The following CADM2 variants were observed in gnomAD, a reference collection of about 807,000 sequenced individuals.
CADM2 encodes immunoglobulin superfamily member 4D.
Under a neutral mutation model 49.8 loss-of-function variants are expected in CADM2, and 12 were observed. That is an observed-to-expected ratio of 0.24 (90% CI 0.15 to 0.39). The LOEUF is 0.39. CADM2 is among the 10% of genes least tolerant of loss of function. CADM2 has a pLI of 1.00. For synonymous variants in CADM2, 214 were observed against 175.4 expected (o/e 1.22, Z -1.74); for missense variants, 378 against 492.3 (o/e 0.77, Z 2.20).
Position 85,398,455 on chromosome 3 carries a change from G to A in CADM2, c.62-328067G>A, listed in dbSNP as rs1279616919. Among the ~76,000 whole-genome samples the A allele has an allele frequency of 4.6e-5, 7 of 152,056 alleles. No homozygotes were observed. The South Asian group carries it at 6.2e-4, about 14-fold the overall frequency. ...AGTCTTTGTTATTGTGAATAGTGCC[G>A]CAATAAACATACATGTGCATGTGTC... On this transcript the variant is annotated intron_variant, in intron 1 of 9. Coordinates refer to ENST00000383699, the MANE Select transcript of CADM2 (RefSeq NM_001167675.2).
intron 1 of CADM2, among the ~76,000 whole-genome samples, chr3:85,483,030 C>G (rs1372142244): frequency 2.6e-5 from 4 of 151,306 alleles, no homozygotes; most frequent in African/African-American, 9.7e-5. Context: ...TAAAAAACAC[C>G]CATAAAATTG....
intron 1 of CADM2, among the ~76,000 whole-genome samples, chr3:85,709,461 G>T (rs1252478149): frequency 2.6e-5 from 4 of 152,000 alleles, no homozygotes; most frequent in South Asian, 4.1e-4. Flanking sequence ...TCTCTAAGAG[G>T]CAGTGCTTTG....
chr3:85,013,142 TAAA>T lies in CADM2; in HGVS notation c.61+53488_61+53490del, dbSNP rs56736286. Among the ~76,000 whole-genome samples the T allele has an allele frequency of 9.0e-3, 1,294 of 143,978 alleles. 6 individuals are homozygous for T. Among genetic ancestry groups the T allele is most frequent in the Non-Finnish European group, 0.012 (806 of 65,604 alleles). 94.5% of individuals were successfully genotyped at this position (143,978 alleles called of 152,430 possible). ...AGATTCTGTAATTTGCACTGGAAAT[TAAA>T]AAAAAAAAAAAAATACCAAATTATG... On this transcript the variant is annotated intron_variant, in intron 1 of 9. Transcript: ENST00000383699.
rs375702349 is a variant in CADM2 at position 84,984,356 on chromosome 3, T to TAAAAAAAAAAAAAAA, written c.61+24703_61+24717dup. ...CCTCATAGCCACCTCAAGATTAAGC[T>TAAAAAAAAAAAAAAA]AAAAAAAAAAAAAAAAAAAAAAAAA... On this transcript the variant is annotated intron_variant, in intron 1 of 9. Coordinates refer to ENST00000383699, the MANE Select transcript of CADM2 (RefSeq NM_001167675.2). Among the ~76,000 whole-genome samples, 58 of 67,058 alleles carry TAAAAAAAAAAAAAAA rather than the reference T, an allele frequency of 8.6e-4. 4 individuals carry two copies. The highest frequency in any genetic ancestry group is 4.2e-3 in the African/African-American group (56 of 13,328). 44.0% of individuals were successfully genotyped at this position (67,058 alleles called of 152,430 possible).
chr3:85,832,986 T>C (rs1280779885), intron 3 of CADM2, among the ~76,000 whole-genome samples: 3 of 151,822 alleles, frequency 2.0e-5, no homozygotes, highest in Non-Finnish European at 4.4e-5. Flanking sequence ...TTCTTCAGTG[T>C]CTGGTTTGTT....
chr3:85,165,610 T>G (rs1324571584), intron 1 of CADM2, among the ~76,000 whole-genome samples: 1 of 151,830 alleles, frequency 6.6e-6, no homozygotes, highest in African/African-American at 2.4e-5. Context: ...TCCCTTTGCT[T>G]TGGTATGTCT....
At chr3:85,657,697 G>GAT (rs1239328546) in intron 1 of CADM2, among the ~76,000 whole-genome samples, 5 of 54,084 alleles carry the variant, frequency 9.2e-5, no homozygotes, top group African/African-American at 1.3e-4. Context: ...TATATATACA[G>GAT]ATATATATAT....
intron 3 of CADM2, among the ~76,000 whole-genome samples, chr3:85,816,763 C>A (rs1248893632): frequency 1.3e-5 from 2 of 152,070 alleles, no homozygotes; most frequent in African/African-American, 2.4e-5. Context: ...CACACAGCGA[C>A]TCGCTAAGGC....
chr3:86,036,332 T>G (rs1735154451), intron 8 of CADM2, among the ~76,000 whole-genome samples: 1 of 152,134 alleles, frequency 6.6e-6, no homozygotes, highest in South Asian at 2.1e-4. Flanking sequence ...TCAGTATTAT[T>G]TAATAACTTT....
chr3:85,123,830 T>G (rs2038941879), intron 1 of CADM2, among the ~76,000 whole-genome samples: 1 of 152,200 alleles, frequency 6.6e-6, no homozygotes, highest in Admixed American at 6.5e-5. Context: ...GACATTATAT[T>G]AAATATAGTT....
chr3:85,500,280 C>T (rs1401536882), intron 1 of CADM2, among the ~76,000 whole-genome samples: 1 of 151,864 alleles, frequency 6.6e-6, no homozygotes, highest in Non-Finnish European at 1.5e-5. Flanking sequence ...TTTCAGGAAT[C>T]ATAGTTTATT....
chr3:85,200,820 T>A (rs558316801), intron 1 of CADM2, among the ~76,000 whole-genome samples: 68 of 152,294 alleles, frequency 4.5e-4, no homozygotes, highest in African/African-American at 1.6e-3. Context: ...GTATTTCCAA[T>A]TAACTCCAGT....
At chr3:85,724,289 C>A (rs1367480163) in intron 1 of CADM2, among the ~76,000 whole-genome samples, 1 of 151,796 alleles carries the variant, frequency 6.6e-6, no homozygotes, top group African/African-American at 2.4e-5. Context: ...TATACTTGCA[C>A]ACTTTCTCTC....
At chr3:85,842,976 G>A (rs1269766351) in intron 3 of CADM2, among the ~76,000 whole-genome samples, 2 of 151,958 alleles carry the variant, frequency 1.3e-5, no homozygotes, top group African/African-American at 4.8e-5. Flanking sequence ...GCCAGTTACA[G>A]GTAAAAGCAA....
In CADM2 at chr3:85,236,593, G is replaced by T. The variant is rs926187394; in HGVS notation, c.61+276925G>T. Among the ~76,000 whole-genome samples the T allele has an allele frequency of 5.3e-5, 8 of 152,156 alleles. No individual in the cohort carries two copies. The East Asian group carries it at 1.5e-3, about 29-fold the overall frequency. On this transcript the variant is annotated intron_variant, in intron 1 of 9. Transcript: ENST00000383699. ...CTTTTGTGATGAAAGATAATGATGT[G>T]ATTTAAATATTTTTTAAGGAAATCA...
At position 85,627,910 on chromosome 3, in the gene CADM2, A is replaced by G. The variant is rs535240290; in HGVS notation, c.62-98612A>G. ...AGCAAGCTGATAGCAAACTGATAGC[A>G]TGTTGGTATGACTCTTACTGAATTC... On this transcript the variant is annotated intron_variant, in intron 1 of 9. Coordinates refer to ENST00000383699, the MANE Select transcript of CADM2 (RefSeq NM_001167675.2). 6.6e-5 allele frequency among the ~76,000 whole-genome samples: 10 copies of G among 152,212 alleles called. No homozygotes were observed. The South Asian group carries it at 2.1e-3, about 32-fold the overall frequency.
At chr3:85,072,624 C>T (rs2036797079) in intron 1 of CADM2, among the ~76,000 whole-genome samples, 1 of 152,042 alleles carries the variant, frequency 6.6e-6, no homozygotes, top group Admixed American at 6.6e-5. Flanking sequence ...CCCATTAACA[C>T]TAATAGTGGC....
At chr3:85,904,757 A>T (rs1716564024) in intron 5 of CADM2, among the ~76,000 whole-genome samples, 1 of 152,134 alleles carries the variant, frequency 6.6e-6, no homozygotes, top group Admixed American at 6.5e-5. Context: ...CGTTTTCACG[A>T]TATTGACTCG....
intron 1 of CADM2, among the ~76,000 whole-genome samples, chr3:85,609,807 C>T (rs1045563396): frequency 1.3e-5 from 2 of 151,978 alleles, no homozygotes; most frequent in Non-Finnish European, 2.9e-5. Context: ...GTTCTAAGTT[C>T]ATAATCGTAA....
Sources: allele counts gnomAD v4.1 joint callset (sites outside exome capture counted in the v4.1 genomes callset), GRCh38; gene constraint gnomAD v4.1.1; transcripts MANE v1.5; gene names NCBI Gene and HGNC (gene_info 2026-07-23, HGNC 2026-07-21).